The following RBM23 variants were observed in gnomAD, a reference collection of about 807,000 sequenced individuals.
RBM23 encodes the protein RNA binding motif protein 23, also known as probable RNA-binding protein 23.
Under a neutral mutation model 56.2 loss-of-function variants are expected in RBM23, and 53 were observed. The observed-to-expected ratio is 0.94, with a 90% CI of 0.76 to 1.19. The LOEUF (loss-of-function observed/expected upper bound fraction) is 1.19, where lower values mean the gene tolerates loss of function less well. Ranked by LOEUF, RBM23 falls within the 50% of genes most tolerant of loss-of-function variation. The pLI, the probability that RBM23 is intolerant of heterozygous loss-of-function variation, is 0.00. For synonymous variants in RBM23, 197 were observed against 198.5 expected (o/e 0.99, Z 0.06); for missense variants, 642 against 590.3 (o/e 1.09, Z -0.91).
rs879220067 is a variant in RBM23 at position 22,905,249 on chromosome 14, A to G, written c.574-3T>C. On this transcript the variant is annotated splice_region_variant and splice_polypyrimidine_tract_variant and intron_variant, in intron 7 of 13. Transcript: ENST00000359890. Reference sequence around the variant, plus strand: ...GAGATGATACGTACATCGCGAACCTATCCAGGACGCAAAAGAAATCCTGAG... The same window carrying G: ...GAGATGATACGTACATCGCGAACCTGTCCAGGACGCAAAAGAAATCCTGAG... 2.5e-6 allele frequency: 4 copies of G among 1,614,042 alleles called. No individual in the cohort carries two copies. In the South Asian group the frequency reaches 4.4e-5, roughly 18 times the overall value.
rs2040281885 is a variant in RBM23, at chr14:22,898,400, C to G, written c.*3330G>C. 1 of 152,120 alleles carries G rather than the reference C, an allele frequency of 6.6e-6. No individual in the cohort carries two copies. The highest frequency in any genetic ancestry group is 2.4e-5 in the African/African-American group (1 of 41,400). The allele number at this position is 152,120 out of a possible 1,614,324, so 9.4% of individuals were successfully genotyped here. A position where few individuals can be genotyped will look rare whatever the true frequency, so the allele number is the denominator to read the frequency against. On this transcript the variant is annotated 3_prime_UTR_variant, in exon 14 of 14. Coordinates refer to ENST00000359890, the MANE Select transcript of RBM23 (RefSeq NM_001077351.2). The stretch of plus-strand genomic sequence containing the variant: ...CAAAGGATCTAGATCACAATGTCAC[C>G]CCTACGCCACCAGCCACCATGTGCA...
chr14:22,898,635 A>G lies in RBM23; in HGVS notation c.*3095T>C, dbSNP rs1479240284. Reference sequence around the variant, plus strand: ...TCTTAGATACGTCCTTACTTCCAACATTGTCTCTCTCCCAGCAAGAGGCTA... The same window carrying G: ...TCTTAGATACGTCCTTACTTCCAACGTTGTCTCTCTCCCAGCAAGAGGCTA... On this transcript the variant is annotated 3_prime_UTR_variant, in exon 14 of 14. Transcript: ENST00000359890. 1 of 151,922 alleles carries G rather than the reference A, an allele frequency of 6.6e-6. No homozygotes were observed. Among genetic ancestry groups the G allele is most frequent in the Admixed American group, 6.6e-5 (1 of 15,220 alleles). The allele number at this position is 151,922 out of a possible 1,614,324, so 9.4% of individuals were successfully genotyped here.
At chr14:22,910,168 AAAAAAAAAAG>A (rs2042225472) in intron 2 of RBM23, among the ~76,000 whole-genome samples, 1 of 137,772 alleles carries the variant, frequency 7.3e-6, no homozygotes, top group Admixed American at 7.5e-5. Context: ...AAAAAAAAAA[AAAAAAAAAAG>A]AGGCTGGGCG....
At position 22,908,397 on chromosome 14, in the gene RBM23, ATTC is replaced by A. The variant is rs765657363; in HGVS notation, c.180-20_180-18del. 3.4e-5 allele frequency: 52 copies of A among 1,517,200 alleles called. No individual in the cohort carries two copies. In the African/African-American group the frequency reaches 4.9e-4, roughly 14 times the overall value. The allele number at this position is 1,517,200 out of a possible 1,614,324, so 94.0% of individuals were successfully genotyped here. On this transcript the variant is annotated intron_variant, in intron 3 of 13. Transcript: ENST00000359890. ...CTCTTCTTCCTGTGAAAGAGAGTAC[ATTC>A]TTCTTTTTTTTTTTTTAATTTTGAG...
chr14:22,903,956 A>G, intron 10 of RBM23: 1 of 1,316,198 alleles, frequency 7.6e-7, no homozygotes, highest in South Asian at 1.6e-5. Flanking sequence ...AACCTCCCTC[A>G]CACCCCCAAC....
chr14:22,899,914 T>A lies in RBM23; in HGVS notation c.*1816A>T, dbSNP rs2040319542. 6.6e-6 allele frequency: 1 copy of A among 152,216 alleles called. No individual in the cohort carries two copies. Among genetic ancestry groups the A allele is most frequent in the Non-Finnish European group, 1.5e-5 (1 of 68,040 alleles). 9.4% of individuals were successfully genotyped at this position (152,216 alleles called of 1,614,324 possible). On this transcript the variant is annotated 3_prime_UTR_variant, in exon 14 of 14. Transcript: ENST00000359890. ...GCATAAGAAAGTCTTAGCATTTTGT[T>A]GCCATAGAGATCAAAAAAGGAGCCC...
Position 22,900,672 on chromosome 14 carries a change from GA to G in RBM23, c.*1057del. 2 of 152,086 alleles carry G rather than the reference GA, an allele frequency of 1.3e-5. No homozygotes were observed. Among genetic ancestry groups the G allele is most frequent in the East Asian group, 3.8e-4 (2 of 5,196 alleles). The allele number at this position is 152,086 out of a possible 1,614,324, so 9.4% of individuals were successfully genotyped here. A position where few individuals can be genotyped will look rare whatever the true frequency, so the allele number is the denominator to read the frequency against. On this transcript the variant is annotated 3_prime_UTR_variant, in exon 14 of 14. Transcript: ENST00000359890. ...ATGTTACTAATGTTTTATATCCCTA[GA>G]AACATCATAAGTTGGGCTAATGAGA...
rs2138935378 is a variant in RBM23, at chr14:22,904,291, T to A, written c.900A>T (p.Thr300=). Residue 300 remains threonine (T), a synonymous_variant, in exon 10 of 14, where the codon ACA becomes ACT. Coordinates refer to ENST00000359890, the MANE Select transcript of RBM23 (RefSeq NM_001077351.2). ...TGAAACCATAACCTTTAGAGCGGCCTGTATCTGAGTCCTTCATCAGGACAA... is the reference window on the plus strand; with the variant it reads ...TGAAACCATAACCTTTAGAGCGGCCAGTATCTGAGTCCTTCATCAGGACAA... The part of the protein sequence containing the change: ...DNIVLMKDSD[T]GRSKGYGFIT... The A allele has an allele frequency of 1.2e-6, 2 of 1,613,056 alleles. No individual in the cohort carries two copies. Among genetic ancestry groups the A allele is most frequent in the East Asian group, 2.2e-5 (1 of 44,878 alleles).
chr14:22,910,839 C>T (rs1477174437), intron 2 of RBM23, among the ~76,000 whole-genome samples: 2 of 152,156 alleles, frequency 1.3e-5, no homozygotes, highest in Non-Finnish European at 2.9e-5. Flanking sequence ...GGTGAAACCC[C>T]GTCTCTACTA....
intron 2 of RBM23, 123 bp downstream of exon 2, chr14:22,911,205 A>T: frequency 1.3e-6 from 1 of 785,622 alleles, no homozygotes; most frequent in Non-Finnish European, 2.1e-6. Context: ...TTTTATGATT[A>T]GTTATTCTAC....
rs1345609193 is a variant in RBM23 at position 22,901,049 on chromosome 14, C to A, written c.*681G>T. On this transcript the variant is annotated 3_prime_UTR_variant, in exon 14 of 14. Coordinates refer to ENST00000359890, the MANE Select transcript of RBM23 (RefSeq NM_001077351.2). ...GGCATACTCCACCTTTTACTAAATTCCTGAAAGCCCCTAAATGCCTCACAG... is the reference window on the plus strand; with the variant it reads ...GGCATACTCCACCTTTTACTAAATTACTGAAAGCCCCTAAATGCCTCACAG... 1 of 152,240 alleles carries A rather than the reference C, an allele frequency of 6.6e-6. No homozygotes were observed. 9.4% of individuals were successfully genotyped at this position (152,240 alleles called of 1,614,324 possible). A position where few individuals can be genotyped will look rare whatever the true frequency, so the allele number is the denominator to read the frequency against.
intron 4 of RBM23, 140 bp from the exon 5 acceptor site, chr14:22,906,508 C>T (rs1158595666): frequency 1.1e-5 from 11 of 974,420 alleles, no homozygotes; most frequent in Non-Finnish European, 1.7e-5. Flanking sequence ...ACTGTAATGT[C>T]GTAATGTATT....
intron 4 of RBM23, among the ~76,000 whole-genome samples, chr14:22,908,030 AT>A (rs1020132821): frequency 6.6e-6 from 1 of 151,936 alleles, no homozygotes; most frequent in Non-Finnish European, 1.5e-5. Flanking sequence ...TTTTATTTTT[AT>A]TTTTTTTGAG....
Position 22,908,538 on chromosome 14 carries a change from A to G in RBM23, c.180-158T>C, listed in dbSNP as rs886665499. On this transcript the variant is annotated intron_variant, in intron 3 of 13. Coordinates refer to ENST00000359890, the MANE Select transcript of RBM23 (RefSeq NM_001077351.2). ...CTCCTGAGTAGCTGGGATTACAGGCATGTACCATCATGCCCAGCTAATTTT... is the reference window on the plus strand; with the variant it reads ...CTCCTGAGTAGCTGGGATTACAGGCGTGTACCATCATGCCCAGCTAATTTT... 3.0e-5 allele frequency: 20 copies of G among 656,174 alleles called. No individual in the cohort carries two copies. The African/African-American group carries it at 3.6e-4, about 12-fold the overall frequency. The allele number at this position is 656,174 out of a possible 1,614,324, so 40.6% of individuals were successfully genotyped here. A position where few individuals can be genotyped will look rare whatever the true frequency, so the allele number is the denominator to read the frequency against.
At chr14:22,909,225 G>A (rs534001664) in intron 3 of RBM23, among the ~76,000 whole-genome samples, 5 of 152,104 alleles carry the variant, frequency 3.3e-5, no homozygotes, top group Non-Finnish European at 7.4e-5. Context: ...TTACAGGTGT[G>A]AGCCACCACG....
At chr14:22,911,618 A>G in intron 1 of RBM23, 1 of 392,418 alleles carries the variant, frequency 2.5e-6, no homozygotes, top group Non-Finnish European at 4.8e-6. Context: ...GTGGCTTGGA[A>G]CAGTCAAGGA....
chr14:22,904,788 G>A, intron 9 of RBM23, 87 bp downstream of exon 9: 3 of 1,568,362 alleles, frequency 1.9e-6, no homozygotes, highest in South Asian at 2.4e-5. Flanking sequence ...GTTAATCACG[G>A]CCAGGCACAA....
At chr14:22,905,965 G>A (rs2041470849) in intron 5 of RBM23, 1 of 614,188 alleles carries the variant, frequency 1.6e-6, no homozygotes, top group Non-Finnish European at 2.8e-6. Context: ...GTCCTGGCTG[G>A]TCTTGAATTC....
intron 10 of RBM23, chr14:22,902,742 T>TA: frequency 1.9e-5 from 14 of 731,880 alleles, no homozygotes; most frequent in Non-Finnish European, 2.3e-5. Context: ...TTCTCTATCC[T>TA]AGTAAGTTTT....
Sources: allele counts gnomAD v4.1 joint callset (sites outside exome capture counted in the v4.1 genomes callset), GRCh38; gene constraint gnomAD v4.1.1; transcripts MANE v1.5; gene names NCBI Gene and HGNC (gene_info 2026-07-23, HGNC 2026-07-21).